Variants in MAN1C1 observed in about 807,000 individuals in gnomAD.
MAN1C1 encodes mannosyl-oligosaccharide 1,2-alpha-mannosidase IC.
In MAN1C1, 49 loss-of-function variants were observed where a neutral mutation model predicts 71.5. The observed-to-expected ratio is 0.69, with a 90% CI of 0.54 to 0.87. MAN1C1 has a LOEUF of 0.87. Ranked by LOEUF, MAN1C1 falls within the 40% of genes least tolerant of loss-of-function variation. MAN1C1 has a pLI of 0.00. For missense variants in MAN1C1, 743 were observed against 835.0 expected, an observed-to-expected ratio of 0.89 and a Z score of 1.36; for synonymous variants, 352 against 343.7, an observed-to-expected ratio of 1.02 and a Z score of -0.27.
chr1:25,749,659 A>T (rs1352664924), intron 4 of MAN1C1, among the ~76,000 whole-genome samples: 1 of 152,242 alleles, frequency 6.6e-6, no homozygotes, highest in African/African-American at 2.4e-5. Flanking sequence ...TCTGCTGCCC[A>T]GGTGAGCCCA....
At chr1:25,619,044 G>T (rs1007743874) in intron 1 of MAN1C1, among the ~76,000 whole-genome samples, 1 of 152,170 alleles carries the variant, frequency 6.6e-6, no homozygotes, top group African/African-American at 2.4e-5. Flanking sequence ...TTCCCTGTAG[G>T]GATTGTACCA....
intron 2 of MAN1C1, among the ~76,000 whole-genome samples, chr1:25,701,010 T>A (rs1287089250): frequency 6.6e-6 from 1 of 152,288 alleles, no homozygotes; most frequent in Non-Finnish European, 1.5e-5. Context: ...TGTTTTCATT[T>A]TAATTTCTTT....
At chr1:25,716,824 C>G (rs2046687898) in intron 2 of MAN1C1, among the ~76,000 whole-genome samples, 1 of 152,200 alleles carries the variant, frequency 6.6e-6, no homozygotes, top group African/African-American at 2.4e-5. Flanking sequence ...CCTCAGGCCC[C>G]TTTGCCATTC....
chr1:25,667,484 CAAAAAAAAAAAA>C, intron 1 of MAN1C1, among the ~76,000 whole-genome samples: 1 of 49,316 alleles, frequency 2.0e-5, no homozygotes, highest in East Asian at 5.9e-4. Context: ...GACTCCATCT[CAAAAAAAAAAAA>C]AAAAAAAAGC....
rs59710145 is a variant in MAN1C1, at chr1:25,656,095, C to CTTTTT, written c.541-30327_541-30323dup. 6.1e-3 allele frequency among the ~76,000 whole-genome samples: 455 copies of CTTTTT among 74,968 alleles called. 115 individuals are homozygous for CTTTTT. Among genetic ancestry groups the CTTTTT allele is most frequent in the African/African-American group, 0.033 (402 of 12,200 alleles). 49.2% of individuals were successfully genotyped at this position (74,968 alleles called of 152,430 possible). On this transcript the variant is annotated intron_variant, in intron 1 of 11. Transcript: ENST00000374332. ...TATGTCTTAGGTTGGGATTATCAGT[C>CTTTTT]TTTTTTTTTTTTTTTTTTTTTTGAG...
intron 1 of MAN1C1, among the ~76,000 whole-genome samples, chr1:25,621,047 C>T (rs2045199701): frequency 6.6e-6 from 1 of 152,202 alleles, no homozygotes; most frequent in Non-Finnish European, 1.5e-5. Context: ...TGACTTTGGG[C>T]AACCCACCTC....
intron 1 of MAN1C1, among the ~76,000 whole-genome samples, chr1:25,628,925 T>C (rs752737872): frequency 2.6e-5 from 4 of 152,232 alleles, no homozygotes; most frequent in Non-Finnish European, 5.9e-5. Context: ...AGATGTTATT[T>C]CATTCCTTTT....
chr1:25,784,407 G>GA lies in MAN1C1; in HGVS notation c.*623dup, dbSNP rs2047739288. The GA allele has an allele frequency of 6.6e-6, 1 of 151,456 alleles. No individual in the cohort carries two copies. Among genetic ancestry groups the GA allele is most frequent in the East Asian group, 1.9e-4 (1 of 5,208 alleles). 9.4% of individuals were successfully genotyped at this position (151,456 alleles called of 1,614,324 possible). A position where few individuals can be genotyped will look rare whatever the true frequency, so the allele number is the denominator to read the frequency against. The stretch of plus-strand genomic sequence containing the variant: ...TGCTATTTTCATTATTATTGTAATG[G>GA]AAAAATCTGTGGACTAGAATAAAAG... On this transcript the variant is annotated 3_prime_UTR_variant, in exon 12 of 12. Coordinates refer to ENST00000374332, the MANE Select transcript of MAN1C1 (RefSeq NM_020379.4).
intron 2 of MAN1C1, among the ~76,000 whole-genome samples, chr1:25,731,324 A>C (rs550678916): frequency 1.4e-5 from 2 of 146,330 alleles, no homozygotes; most frequent in South Asian, 4.2e-4. Context: ...AATAACAATA[A>C]TCATCATCAT....
intron 1 of MAN1C1, among the ~76,000 whole-genome samples, chr1:25,669,596 A>T (rs2045968036): frequency 6.6e-6 from 1 of 152,000 alleles, no homozygotes; most frequent in Admixed American, 6.6e-5. Flanking sequence ...TCGAGACCCT[A>T]TCTTTTTTAA....
At chr1:25,755,908 C>G (rs898121103) in intron 5 of MAN1C1, among the ~76,000 whole-genome samples, 16 of 152,196 alleles carry the variant, frequency 1.1e-4, no homozygotes, top group African/African-American at 1.4e-4. Flanking sequence ...GCTCACAGGG[C>G]TGAGCAGAGG....
rs568355999 is a variant in MAN1C1 at position 25,771,839 on chromosome 1, G to A, written c.1257+67G>A. 13 of 1,311,646 alleles carry A rather than the reference G, an allele frequency of 9.9e-6. No homozygotes were observed. The African/African-American group carries it at 1.0e-4, about 10-fold the overall frequency. The allele number at this position is 1,311,646 out of a possible 1,614,324, so 81.3% of individuals were successfully genotyped here. A position where few individuals can be genotyped will look rare whatever the true frequency, so the allele number is the denominator to read the frequency against. On this transcript the variant is annotated intron_variant, in intron 8 of 11. Transcript: ENST00000374332. ...GCCCCCGGCTCTCTCACGGCCGAGC[G>A]AGGGTGCTGCGGGCAGCGGGGCCAG...
chr1:25,639,011 A>T (rs1217419546), intron 1 of MAN1C1, among the ~76,000 whole-genome samples: 1 of 152,110 alleles, frequency 6.6e-6, no homozygotes, highest in Admixed American at 6.6e-5. Flanking sequence ...ATCATCCTAG[A>T]GGTCACTGAG....
chr1:25,733,866 C>A (rs1426286973), intron 2 of MAN1C1, among the ~76,000 whole-genome samples: 7 of 151,500 alleles, frequency 4.6e-5, no homozygotes, highest in African/African-American at 1.2e-4. Flanking sequence ...GTGGTGTGAT[C>A]TTGGCTTGCT....
chr1:25,683,789 T>G (rs1319463777), intron 1 of MAN1C1, among the ~76,000 whole-genome samples: 1 of 152,150 alleles, frequency 6.6e-6, no homozygotes, highest in East Asian at 1.9e-4. Context: ...GGCTGTCCCC[T>G]TCATCCCCTG....
chr1:25,618,361 CT>C, intron 1 of MAN1C1, 24 bp downstream of exon 1: 1 of 1,577,594 alleles, frequency 6.3e-7, no homozygotes, highest in Non-Finnish European at 8.6e-7. Context: ...CCCCAAACTC[CT>C]CCCACCAACT....
At chr1:25,763,847 G>A in intron 6 of MAN1C1, 27 bp from the exon 7 acceptor site, 1 of 1,599,862 alleles carries the variant, frequency 6.3e-7, no homozygotes, top group Non-Finnish European at 8.6e-7. Flanking sequence ...AAGCATGAAG[G>A]CTCACCTGGT....
intron 2 of MAN1C1, among the ~76,000 whole-genome samples, chr1:25,691,136 G>A (rs1330760576): frequency 6.6e-6 from 1 of 152,180 alleles, no homozygotes; most frequent in Non-Finnish European, 1.5e-5. Context: ...GGCCAACATG[G>A]TGAAAGCCCA....
chr1:25,642,068 A>G (rs1250972659), intron 1 of MAN1C1, among the ~76,000 whole-genome samples: 4 of 152,328 alleles, frequency 2.6e-5, no homozygotes, highest in African/African-American at 9.6e-5. Flanking sequence ...CTGCATCAAT[A>G]TTTGCCTGTC....
Sources: gnomAD v4.1 joint callset for allele counts (sites outside exome capture counted in the v4.1 genomes callset) on GRCh38, gnomAD v4.1.1 for gene constraint, MANE v1.5 for transcripts, NCBI Gene and HGNC (gene_info 2026-07-23, HGNC 2026-07-21) for gene names.